The following RBFOX1 variants were observed in gnomAD, a reference collection of about 807,000 sequenced individuals.
The protein encoded by RBFOX1 is RNA binding fox-1 homolog 1.
RBFOX1 carries 8 observed loss-of-function variants against 57.7 expected under a neutral mutation model. The observed-to-expected ratio is 0.14, with a 90% CI of 0.08 to 0.25. The LOEUF (loss-of-function observed/expected upper bound fraction) is 0.25. Among genes scored for constraint, RBFOX1 ranks in the 10% least tolerant of loss-of-function variants. The pLI, the probability that RBFOX1 is intolerant of heterozygous loss-of-function variation, is 1.00. For synonymous variants in RBFOX1, 326 were observed against 222.4 expected (o/e 1.47, Z -4.15); for missense variants, 611 against 548.5 (o/e 1.11, Z -1.14).
intron 4 of RBFOX1, among the ~76,000 whole-genome samples, chr16:7,335,584 GAAAAAAAAAAAAAA>G (rs959362612): frequency 1.1e-4 from 8 of 74,652 alleles, no homozygotes; most frequent in Admixed American, 8.3e-4. Flanking sequence ...CTCAGATAAA[GAAAAAAAAAAAAAA>G]AAAAAAAAAA....
Position 5,719,572 on chromosome 16 carries a change from G to A in RBFOX1, c.318+120611G>A, listed in dbSNP as rs529075246. Among the ~76,000 whole-genome samples the A allele has an allele frequency of 2.6e-5, 4 of 151,696 alleles. No individual in the cohort carries two copies. In the East Asian group the frequency reaches 7.8e-4, roughly 29 times the overall value. On this transcript the variant is annotated intron_variant, in intron 3 of 19. Coordinates refer to the RBFOX1 transcript ENST00000641259. ...TAAGCAGTAACTCCCCATTTTGCTC[G>A]CCCCCACCAGGCCCTGGCAATTACT...
chr16:6,847,124 A>G (rs905362214), intron 3 of RBFOX1, among the ~76,000 whole-genome samples: 12 of 152,118 alleles, frequency 7.9e-5, no homozygotes, highest in Non-Finnish European at 1.3e-4. Context: ...CTGCTCAGAG[A>G]TGGTTCATCC....
intron 4 of RBFOX1, among the ~76,000 whole-genome samples, chr16:7,224,127 TAAAAAAAAAA>T (rs1168449932): frequency 1.3e-4 from 7 of 52,256 alleles, no homozygotes; most frequent in South Asian, 1.1e-3. Flanking sequence ...TTCCTTTTTC[TAAAAAAAAAA>T]AAAAAAAAAA....
chr16:5,348,306 A>G (rs992589801), intron 1 of RBFOX1, among the ~76,000 whole-genome samples: 1 of 152,236 alleles, frequency 6.6e-6, no homozygotes, highest in African/African-American at 2.4e-5. Flanking sequence ...TATTGAATAC[A>G]TAGTGATTAC....
chr16:6,155,425 T>A (rs2096831535), intron 1 of RBFOX1, among the ~76,000 whole-genome samples: 1 of 152,190 alleles, frequency 6.6e-6, no homozygotes, highest in South Asian at 2.1e-4. Flanking sequence ...AGTAGAGACC[T>A]CAAGATGTAC....
intron 2 of RBFOX1, among the ~76,000 whole-genome samples, chr16:6,613,594 C>G (rs1356692760): frequency 6.6e-6 from 1 of 152,078 alleles, no homozygotes; most frequent in African/African-American, 2.4e-5. Context: ...AGGTTGAAAT[C>G]TAATTCCATA....
chr16:6,876,095 C>T (rs1024696088), intron 3 of RBFOX1, among the ~76,000 whole-genome samples: 8 of 151,732 alleles, frequency 5.3e-5, no homozygotes, highest in Admixed American at 1.3e-4. Context: ...GTCACTTGAT[C>T]CAGAAGGAAC....
chr16:6,109,370 C>A (rs2152570436), intron 1 of RBFOX1, among the ~76,000 whole-genome samples: 1 of 152,234 alleles, frequency 6.6e-6, no homozygotes, highest in South Asian at 2.1e-4. Flanking sequence ...GTGGTAAATT[C>A]CATATTGGAA....
At chr16:7,380,136 G>T (rs1388396667) in intron 4 of RBFOX1, among the ~76,000 whole-genome samples, 1 of 152,108 alleles carries the variant, frequency 6.6e-6, no homozygotes. Context: ...GAGACTACAG[G>T]TGTGAGCTGT....
chr16:7,709,474 C>G, intron 15 of RBFOX1: 1 of 1,454,852 alleles, frequency 6.9e-7, no homozygotes. Context: ...TTTTCCCTCC[C>G]TTGCTGCTCA....
chr16:7,606,005 G>A (rs1450196711), intron 9 of RBFOX1, among the ~76,000 whole-genome samples: 1 of 151,824 alleles, frequency 6.6e-6, no homozygotes, highest in Non-Finnish European at 1.5e-5. Context: ...TCAAGGTTTC[G>A]CCATGCTGGA....
chr16:5,350,917 G>A (rs987720550), intron 1 of RBFOX1, among the ~76,000 whole-genome samples: 3 of 151,930 alleles, frequency 2.0e-5, no homozygotes, highest in East Asian at 1.9e-4. Flanking sequence ...AATGCATCTC[G>A]CAGGGTTGTG....
Position 5,526,035 on chromosome 16 carries a change from A to G in RBFOX1, c.258+58781A>G, listed in dbSNP as rs114562848. ...CTGTGGTCCCAGGGGGCGGACGGGC[A>G]GTCACAGGTGAAACATGTCAACCCC... On this transcript the variant is annotated intron_variant, in intron 2 of 2. Coordinates refer to the RBFOX1 transcript ENST00000585867. Among the ~76,000 whole-genome samples, 558 of 152,192 alleles carry G rather than the reference A, an allele frequency of 3.7e-3. 4 individuals are homozygous for G. Among genetic ancestry groups the G allele is most frequent in the African/African-American group, 0.013 (539 of 41,524 alleles).
intron 1 of RBFOX1, among the ~76,000 whole-genome samples, chr16:5,406,343 AG>A (rs2066866259): frequency 6.8e-6 from 1 of 147,098 alleles, no homozygotes; most frequent in Non-Finnish European, 1.5e-5. Flanking sequence ...ATAGAACAAA[AG>A]GTGGAGGAGG....
chr16:7,387,067 A>T (rs558544057), intron 4 of RBFOX1, among the ~76,000 whole-genome samples: 32 of 151,896 alleles, frequency 2.1e-4, no homozygotes, highest in Non-Finnish European at 2.6e-4. Flanking sequence ...CCACTTTTTG[A>T]TGGGGTTGTT....
intron 3 of RBFOX1, among the ~76,000 whole-genome samples, chr16:5,815,843 T>C (rs2055614204): frequency 6.6e-6 from 1 of 152,184 alleles, no homozygotes; most frequent in Non-Finnish European, 1.5e-5. Flanking sequence ...GCTGGTTCAC[T>C]AATGAACTCA....
Position 7,093,953 on chromosome 16 carries a change from T to C in RBFOX1, c.27+41855T>C, listed in dbSNP as rs150022701. On this transcript the variant is annotated intron_variant, in intron 4 of 15. Coordinates refer to ENST00000550418, the MANE Select transcript of RBFOX1 (RefSeq NM_018723.4). ...GTGTGACTATATAAGGCGTATATAA[T>C]TTTTTTAAACAAAACCTGGTGAGTA... 1.9e-3 allele frequency among the ~76,000 whole-genome samples: 280 copies of C among 149,138 alleles called. 1 individual carries two copies. Among genetic ancestry groups the C allele is most frequent in the African/African-American group, 6.5e-3 (266 of 41,240 alleles).
intron 4 of RBFOX1, among the ~76,000 whole-genome samples, chr16:7,288,528 T>G (rs945985191): frequency 6.6e-6 from 1 of 152,130 alleles, no homozygotes; most frequent in Non-Finnish European, 1.5e-5. Flanking sequence ...ACACAGTAAA[T>G]GCTAAGTAAT....
intron 3 of RBFOX1, among the ~76,000 whole-genome samples, chr16:5,720,651 G>T (rs899675976): frequency 3.3e-5 from 5 of 152,100 alleles, no homozygotes; most frequent in African/African-American, 1.2e-4. Flanking sequence ...CTTGTGTGCA[G>T]TTATCCAGTT....
Sources: allele counts gnomAD v4.1 joint callset (sites outside exome capture counted in the v4.1 genomes callset), GRCh38; gene constraint gnomAD v4.1.1; transcripts MANE v1.5; gene names NCBI Gene and HGNC (gene_info 2026-07-23, HGNC 2026-07-21).